The following SLC5A11 variants were observed in gnomAD, a reference collection of about 807,000 sequenced individuals.
SLC5A11 encodes solute carrier family 5 member 11.
A neutral mutation model predicts 69.8 loss-of-function variants in SLC5A11; 48 were observed. The ratio of observed to expected loss-of-function variants is 0.69; its 90% CI spans 0.55 to 0.87. SLC5A11 has a LOEUF of 0.87. Among genes scored for constraint, SLC5A11 ranks in the 40% least tolerant of loss-of-function variants. SLC5A11 has a pLI of 0.00. For synonymous variants in SLC5A11, 319 were observed against 342.4 expected (o/e 0.93, Z 0.75); for missense variants, 784 against 866.1 (o/e 0.91, Z 1.19).
chr16:24,853,376 T>C (rs183779943), intron 1 of SLC5A11, among the ~76,000 whole-genome samples: 7 of 152,070 alleles, frequency 4.6e-5, no homozygotes, highest in Admixed American at 4.6e-4. Context: ...TTTTACTGAG[T>C]CACAAGACCT....
intron 9 of SLC5A11, among the ~76,000 whole-genome samples, chr16:24,895,015 C>G (rs2049055386): frequency 6.6e-6 from 1 of 151,912 alleles, no homozygotes; most frequent in Non-Finnish European, 1.5e-5. Flanking sequence ...GTCCCAGCTA[C>G]TTGGGATGCT....
chr16:24,872,328 T>C, intron 5 of SLC5A11, 109 bp downstream of exon 6: 1 of 1,301,552 alleles, frequency 7.7e-7, no homozygotes, highest in South Asian at 1.2e-5. Context: ...CATGGTCATG[T>C]ATTCGATTGC....
intron 3 of SLC5A11, among the ~76,000 whole-genome samples, chr16:24,864,132 C>T (rs927724180): frequency 3.9e-5 from 6 of 152,066 alleles, no homozygotes; most frequent in Non-Finnish European, 8.8e-5. Flanking sequence ...ACATAGGGTG[C>T]TTTGAAAAAC....
chr16:24,868,136 C>CAA (rs1209924410), intron 3 of SLC5A11, among the ~76,000 whole-genome samples: 9 of 89,412 alleles, frequency 1.0e-4, no homozygotes, highest in African/African-American at 2.3e-4. Flanking sequence ...GACTCCATTT[C>CAA]AAAAAAAAAA....
rs764700253 is a variant in SLC5A11 at position 24,908,595 on chromosome 16, C to CAAAAAA, written c.1435-270_1435-265dup. Among the ~76,000 whole-genome samples the CAAAAAA allele has an allele frequency of 1.6e-4, 11 of 70,580 alleles. No individual in the cohort carries two copies. The South Asian group carries it at 2.2e-3, about 14-fold the overall frequency. 46.3% of individuals were successfully genotyped at this position (70,580 alleles called of 152,430 possible). ...CCTGGGCGACAGAGTGAGACTGTCT[C>CAAAAAA]AAAAAAAAAAAAAAAAAAAAAGCAA... On this transcript the variant is annotated intron_variant, in intron 13 of 15. Transcript: ENST00000347898.
chr16:24,906,590 C>T (rs1381407355), intron 10 of SLC5A11, 67 bp from the exon 12 acceptor site: 1 of 969,754 alleles, frequency 1.0e-6, no homozygotes, highest in East Asian at 2.5e-5. Flanking sequence ...TGTCCGGCCC[C>T]ATGTTGCCTG....
chr16:24,865,893 C>T (rs1043734255), intron 3 of SLC5A11, among the ~76,000 whole-genome samples: 2 of 151,340 alleles, frequency 1.3e-5, no homozygotes, highest in Non-Finnish European at 2.9e-5. Flanking sequence ...AATTGGTTTT[C>T]GATTGTAACT....
chr16:24,897,926 C>A (rs2049294274), intron 9 of SLC5A11, 48 bp from the exon 11 acceptor site: 1 of 1,601,714 alleles, frequency 6.2e-7, no homozygotes, highest in Non-Finnish European at 8.5e-7. Context: ...GGGACACAAC[C>A]AAACTATATC....
At chr16:24,866,315 AG>A (rs1195738954) in intron 3 of SLC5A11, among the ~76,000 whole-genome samples, 2 of 151,790 alleles carry the variant, frequency 1.3e-5, no homozygotes, top group Non-Finnish European at 2.9e-5. Flanking sequence ...AGATACAAAT[AG>A]GGCTGGGCAT....
At chr16:24,866,020 TAAGA>T (rs1047473558) in intron 3 of SLC5A11, among the ~76,000 whole-genome samples, 1 of 150,252 alleles carries the variant, frequency 6.7e-6, no homozygotes, top group African/African-American at 2.5e-5. Context: ...GAGCAATCAC[TAAGA>T]AAGTAATTTT....
At chr16:24,852,180 A>C (rs1429596907) in intron 1 of SLC5A11, among the ~76,000 whole-genome samples, 4 of 152,174 alleles carry the variant, frequency 2.6e-5, no homozygotes, top group African/African-American at 9.7e-5. Flanking sequence ...CGTTTCAGAC[A>C]CACAGAAGTT....
chr16:24,859,158 T>G (rs1337328739), intron 2 of SLC5A11: 2 of 158,564 alleles, frequency 1.3e-5, no homozygotes, highest in African/African-American at 2.4e-5. Flanking sequence ...TTTGTTTTTG[T>G]TTTTGTTTTG....
At chr16:24,870,251 G>T (rs535790937) in intron 4 of SLC5A11, among the ~76,000 whole-genome samples, 1 of 151,542 alleles carries the variant, frequency 6.6e-6, no homozygotes, top group African/African-American at 2.4e-5. Flanking sequence ...AAAATTAGCC[G>T]AGTGTAATGG....
chr16:24,857,239 C>A (rs1184005566), intron 1 of SLC5A11, among the ~76,000 whole-genome samples: 2 of 152,192 alleles, frequency 1.3e-5, no homozygotes, highest in Non-Finnish European at 2.9e-5. Context: ...CTGGGCTGTG[C>A]ATTGCAAGAT....
chr16:24,900,776 G>T (rs1015961214), intron 10 of SLC5A11, among the ~76,000 whole-genome samples: 1 of 152,038 alleles, frequency 6.6e-6, no homozygotes, highest in African/African-American at 2.4e-5. Context: ...AAATTAGCCA[G>T]GTGTGGTGGT....
At chr16:24,863,747 T>C (rs760109792) in intron 3 of SLC5A11, among the ~76,000 whole-genome samples, 2 of 152,178 alleles carry the variant, frequency 1.3e-5, no homozygotes, top group Non-Finnish European at 2.9e-5. Flanking sequence ...GAAAAACAGC[T>C]GGGTCTCAGA....
chr16:24,851,191 T>G (rs748475967), intron 1 of SLC5A11, among the ~76,000 whole-genome samples: 4 of 151,846 alleles, frequency 2.6e-5, no homozygotes, highest in Non-Finnish European at 5.9e-5. Context: ...AATGCAGTGG[T>G]GCAATCATAG....
At chr16:24,910,456 A>G in exon 15 of SLC5A11, 1 of 1,614,128 alleles carries the variant, frequency 6.2e-7, no homozygotes, top group Non-Finnish European at 8.5e-7. Flanking sequence ...GGTTCAAGAA[A>G]ACACGTCTAA....
At chr16:24,875,897 G>A (rs2047642391) in intron 6 of SLC5A11, among the ~76,000 whole-genome samples, 166 bp downstream of exon 7, 1 of 152,050 alleles carries the variant, frequency 6.6e-6, no homozygotes, top group Non-Finnish European at 1.5e-5. Flanking sequence ...GTGGACAGAG[G>A]GAATTGGGAG....
Sources: allele counts gnomAD v4.1 joint callset (sites outside exome capture counted in the v4.1 genomes callset), GRCh38; gene constraint gnomAD v4.1.1; transcripts MANE v1.5; gene names NCBI Gene and HGNC (gene_info 2026-07-23, HGNC 2026-07-21).